Variants in UNC45A observed in about 807,000 individuals in gnomAD.
UNC45A encodes unc-45 myosin chaperone A.
Under a neutral mutation model 103.2 loss-of-function variants are expected in UNC45A, and 78 were observed. The ratio of observed to expected loss-of-function variants is 0.76; its 90% CI spans 0.63 to 0.91. The LOEUF (loss-of-function observed/expected upper bound fraction) is 0.91, where lower values mean the gene tolerates loss of function less well. Ranked by LOEUF, UNC45A falls within the 40% of genes least tolerant of loss-of-function variation. The pLI, the probability that UNC45A is intolerant of heterozygous loss-of-function variation, is 0.00. For missense variants in UNC45A, 1,193 were observed against 1,224.8 expected, an observed-to-expected ratio of 0.97 and a Z score of 0.39; for synonymous variants, 495 against 504.6, an observed-to-expected ratio of 0.98 and a Z score of 0.25.
chr15:90,948,893 TTTTG>T, intron 13 of UNC45A, 99 bp downstream of exon 13: 2 of 1,337,516 alleles, frequency 1.5e-6, no homozygotes, highest in Non-Finnish European at 2.0e-6. Context: ...TTTTTTTTTT[TTTTG>T]AGATGGAGTC....
At position 90,946,639 on chromosome 15, in the gene UNC45A, GC is replaced by G; in HGVS notation, c.1227del (p.Lys411SerfsTer25). ...IKSWFEGQGLAGKLRAIQTVS... is the reference protein window; with the variant it reads ...IKSWFEGQGLXGKLRAIQTVS... The stretch of plus-strand genomic sequence containing the variant: ...GAGCTGGTTTGAGGGCCAAGGGCTG[GC>G]CGGGAAGCTACGGGCCATCCAGACG... On this transcript the variant is annotated frameshift_variant, in exon 10 of 20. Coordinates refer to ENST00000418476, the MANE Select transcript of UNC45A (RefSeq NM_018671.5). LOFTEE classifies it high-confidence loss of function. 1 of 1,609,578 alleles carries G rather than the reference GC, an allele frequency of 6.2e-7. No individual in the cohort carries two copies. The highest frequency in any genetic ancestry group is 8.5e-7 in the Non-Finnish European group (1 of 1,178,274).
chr15:90,950,557 C>T lies in UNC45A; in HGVS notation c.2245C>T (p.Gln749Ter). The change falls in exon 17 of 20, where the codon CAG (glutamine) becomes TAG (stop). Residue 749 changes from glutamine to a stop codon, truncating the protein, a stop_gained. Transcript: ENST00000418476. LOFTEE classifies it high-confidence loss of function. ...SLLHLNCSGL[Q>*]NFEALMALTN... The stretch of plus-strand genomic sequence containing the variant: ...GTTGCACCTCAACTGCTCAGGCCTG[C>T]AGAACTTCGAGGCGCTCATGGCCCT... The T allele has an allele frequency of 6.2e-7, 1 of 1,614,198 alleles. No homozygotes were observed. Among genetic ancestry groups the T allele is most frequent in the South Asian group, 1.1e-5 (1 of 91,090 alleles).
Position 90,950,474 on chromosome 15 carries a change from CCT to C in UNC45A, c.2188-25_2188-24del, listed in dbSNP as rs1289440968. On this transcript the variant is annotated intron_variant, in intron 16 of 19. Transcript: ENST00000418476. ...GCTTGTGGGGGCTGCGGCAAGTACC[CCT>C]GACAGGTGGGGTGCACATTGCAGAT... 5.0e-6 allele frequency: 8 copies of C among 1,610,654 alleles called. No individual in the cohort carries two copies. The East Asian group carries it at 8.9e-5, about 18-fold the overall frequency.
chr15:90,939,956 C>T lies in UNC45A; in HGVS notation c.519+133C>T, dbSNP rs534220909. ...TGGGCTCACGGGGCCTGGATGGGAG[C>T]TCTGAGGGTCTGGGGCTTTAGCGTG... is the stretch of plus-strand genomic sequence containing the variant. On this transcript the variant is annotated intron_variant, in intron 5 of 19. Coordinates refer to ENST00000418476, the MANE Select transcript of UNC45A (RefSeq NM_018671.5). The T allele has an allele frequency of 4.9e-5, 39 of 796,096 alleles. No individual in the cohort carries two copies. In the East Asian group the frequency reaches 1.0e-3, roughly 21 times the overall value. The allele number at this position is 796,096 out of a possible 1,614,324, so 49.3% of individuals were successfully genotyped here.
chr15:90,943,884 T>C (rs915619940), intron 8 of UNC45A, among the ~76,000 whole-genome samples: 2 of 151,192 alleles, frequency 1.3e-5, no homozygotes, highest in Non-Finnish European at 2.9e-5. Flanking sequence ...AGATAGAATC[T>C]CACCATGTTG....
intron 10 of UNC45A, chr15:90,947,422 T>C: frequency 1.1e-5 from 3 of 285,304 alleles, no homozygotes; most frequent in Non-Finnish European, 2.0e-5. Context: ...CTCCATCCCA[T>C]AAGGATTTGG....
At chr15:90,943,722 T>C (rs1032077898) in intron 8 of UNC45A, among the ~76,000 whole-genome samples, 1 of 151,574 alleles carries the variant, frequency 6.6e-6, no homozygotes, top group Non-Finnish European at 1.5e-5. Flanking sequence ...AGAGTCTCAC[T>C]CTGTCGCCCA....
chr15:90,938,016 T>A (rs1228272053), intron 4 of UNC45A, among the ~76,000 whole-genome samples: 6 of 152,104 alleles, frequency 3.9e-5, no homozygotes, highest in African/African-American at 1.4e-4. Context: ...TGGCTGGTCT[T>A]GAACTCCTAG....
intron 4 of UNC45A, among the ~76,000 whole-genome samples, chr15:90,937,201 C>G (rs2036063958): frequency 1.3e-5 from 2 of 152,148 alleles, no homozygotes; most frequent in Non-Finnish European, 2.9e-5. Flanking sequence ...AAAAAGTTAG[C>G]TGGGTGTGGT....
rs1596233419 is a variant in UNC45A, at chr15:90,947,380, T to G, written c.1501-416T>G. Reference sequence around the variant, plus strand: ...TGGCTGTGCACCCTGTGGAAGCTGGTCTTCCTCCCTGGGGCACTCAGTCCT... The same window carrying G: ...TGGCTGTGCACCCTGTGGAAGCTGGGCTTCCTCCCTGGGGCACTCAGTCCT... On this transcript the variant is annotated intron_variant, in intron 10 of 19. Transcript: ENST00000418476. The G allele has an allele frequency of 2.7e-5, 7 of 257,446 alleles. No homozygotes were observed. The South Asian group carries it at 2.8e-4, about 10-fold the overall frequency. 15.9% of individuals were successfully genotyped at this position (257,446 alleles called of 1,614,324 possible). A position where few individuals can be genotyped will look rare whatever the true frequency, so the allele number is the denominator to read the frequency against.
At chr15:90,946,114 TGTG>T (rs1273157811) in intron 9 of UNC45A, among the ~76,000 whole-genome samples, 2 of 148,356 alleles carry the variant, frequency 1.3e-5, no homozygotes, top group Admixed American at 6.7e-5. Flanking sequence ...ATTAGCCAGG[TGTG>T]GTGGTGGGTG....
At chr15:90,943,986 G>GTTTTTTTTTTTTTTTT (rs953436599) in intron 8 of UNC45A, among the ~76,000 whole-genome samples, 7 of 78,322 alleles carry the variant, frequency 8.9e-5, no homozygotes, top group Admixed American at 2.0e-4. Context: ...ATTGTGCCCT[G>GTTTTTTTTTTTTTTTT]TTTTTTTTTT....
At chr15:90,940,509 C>T (rs776263787) in intron 6 of UNC45A, 36 bp downstream of exon 6, 4 of 1,584,210 alleles carry the variant, frequency 2.5e-6, no homozygotes, top group East Asian at 2.3e-5. Flanking sequence ...CAGCTTCAGT[C>T]CCTTTGTCTG....
Position 90,936,360 on chromosome 15 carries a change from A to G in UNC45A, c.326A>G (p.Asp109Gly), listed in dbSNP as rs1354041177. The change falls in exon 4 of 20, where the codon GAC (aspartate) becomes GGC (glycine). Residue 109 changes from aspartate to glycine, a missense_variant. Physicochemically the swap from Asp to Gly is moderately conservative, Grantham distance 94 (BLOSUM62 -1). Coordinates refer to ENST00000418476, the MANE Select transcript of UNC45A (RefSeq NM_018671.5). Reference protein sequence around the residue: ...SQALEKLGRLDQAVLDLQRCV... With the variant: ...SQALEKLGRLGQAVLDLQRCV... ...GCCCTAGAGAAGCTGGGCCGCCTGGACCAGGCTGTCCTTGACCTGCAGAGA... is the reference window on the plus strand; with the variant it reads ...GCCCTAGAGAAGCTGGGCCGCCTGGGCCAGGCTGTCCTTGACCTGCAGAGA... 6.2e-7 allele frequency: 1 copy of G among 1,614,114 alleles called. No individual in the cohort carries two copies. The highest frequency in any genetic ancestry group is 8.5e-7 in the Non-Finnish European group (1 of 1,180,046).
At position 90,950,414 on chromosome 15, in the gene UNC45A, C is replaced by A. The variant is rs948603899; in HGVS notation, c.2188-86C>A. 4 of 1,501,334 alleles carry A rather than the reference C, an allele frequency of 2.7e-6. No individual in the cohort carries two copies. The African/African-American group carries it at 5.5e-5, about 21-fold the overall frequency. The allele number at this position is 1,501,334 out of a possible 1,614,324, so 93.0% of individuals were successfully genotyped here. On this transcript the variant is annotated intron_variant, in intron 16 of 19. Coordinates refer to ENST00000418476, the MANE Select transcript of UNC45A (RefSeq NM_018671.5). ...GGACAGCCTGAGACAGCAGTACTCTCTTGGGGGTGGGCTTCTCCCTGCAGG... is the reference window on the plus strand; with the variant it reads ...GGACAGCCTGAGACAGCAGTACTCTATTGGGGGTGGGCTTCTCCCTGCAGG...
intron 17 of UNC45A, among the ~76,000 whole-genome samples, chr15:90,951,362 C>T (rs2036902527): frequency 6.6e-6 from 1 of 152,150 alleles, no homozygotes; most frequent in African/African-American, 2.4e-5. Context: ...ATTACTTAGC[C>T]CGTTTCCTAT....
chr15:90,934,398 C>T, upstream of UNC45A: 1 of 399,108 alleles, frequency 2.5e-6, no homozygotes, highest in Admixed American at 4.4e-5. Context: ...CCGTCACTAC[C>T]CTGGTTTCTT....
At chr15:90,931,356 C>A (rs2035782610), upstream of UNC45A, 3 of 1,553,590 alleles carry the variant, frequency 1.9e-6, no homozygotes, top group Middle Eastern at 3.3e-4. Flanking sequence ...GCCCCTTCAC[C>A]ACCTGCGCTG....
At chr15:90,941,685 C>T (rs1046355793) in intron 6 of UNC45A, among the ~76,000 whole-genome samples, 3 of 151,936 alleles carry the variant, frequency 2.0e-5, no homozygotes, top group African/African-American at 4.8e-5. Flanking sequence ...GAGGGCCCGG[C>T]GCGGTGGCTC....
Sources: allele counts gnomAD v4.1 joint callset (sites outside exome capture counted in the v4.1 genomes callset), GRCh38; gene constraint gnomAD v4.1.1; transcripts MANE v1.5; gene names NCBI Gene and HGNC (gene_info 2026-07-23, HGNC 2026-07-21).